Variants in TLE3 observed in about 807,000 individuals in gnomAD.
The protein encoded by TLE3 is TLE family member 3, transcriptional corepressor, also known as transducin-like enhancer protein 3.
A neutral mutation model predicts 93.0 loss-of-function variants in TLE3; 14 were observed. The ratio of observed to expected loss-of-function variants is 0.15; its 90% CI spans 0.10 to 0.24. The LOEUF (loss-of-function observed/expected upper bound fraction) is 0.24, where lower values mean the gene tolerates loss of function less well. TLE3 is among the 10% of genes least tolerant of loss of function. The pLI is 1.00. For synonymous variants in TLE3, 451 were observed against 425.0 expected, an observed-to-expected ratio of 1.06 and a Z score of -0.75; for missense variants, 693 against 1,046.6, an observed-to-expected ratio of 0.66 and a Z score of 4.66.
In TLE3 at chr15:70,058,098, C is replaced by A; in HGVS notation, c.1051+61G>T. 1.2e-6 allele frequency: 2 copies of A among 1,611,548 alleles called. No homozygotes were observed. The highest frequency in any genetic ancestry group is 8.5e-7 in the Non-Finnish European group (1 of 1,178,784). On this transcript the variant is annotated intron_variant, in intron 12 of 19. Coordinates refer to ENST00000451782, the MANE Select transcript of TLE3 (RefSeq NM_001105192.3). This position sits in a 1 kb window ranked among gnomAD's most constrained non-coding sequence, Gnocchi z 4.1. The stretch of plus-strand genomic sequence containing the variant: ...GCGTGTGTGTCACCCCTGCCCTGGC[C>A]AAGAGCAGACCCCCTCCCCCCAATC...
At chr15:70,073,959 A>T (rs2141785385) in intron 6 of TLE3, among the ~76,000 whole-genome samples, 2 of 152,368 alleles carry the variant, frequency 1.3e-5, no homozygotes, top group Middle Eastern at 6.8e-3. Context: ...CGGGACTTCT[A>T]GAAAGTCAGG....
rs756950856 is a variant in TLE3 at position 70,096,720 on chromosome 15, C to T, written c.24+55G>A. The stretch of plus-strand genomic sequence containing the variant: ...CAAAATGGAGGTGCCAGATAAACTG[C>T]CTCGTTTACCCTGCCATGATAGATG... On this transcript the variant is annotated intron_variant, in intron 1 of 19. Transcript: ENST00000451782. 32 of 1,604,398 alleles carry T rather than the reference C, an allele frequency of 2.0e-5. No individual in the cohort carries two copies. In the Middle Eastern group the frequency reaches 4.9e-4, roughly 25 times the overall value.
At chr15:70,086,656 C>G (rs1255010298) in intron 4 of TLE3, among the ~76,000 whole-genome samples, 1 of 152,088 alleles carries the variant, frequency 6.6e-6, no homozygotes, top group African/African-American at 2.4e-5. Flanking sequence ...AGTTTTCATT[C>G]AAAATTAACA....
At position 70,097,007 on chromosome 15, in the gene TLE3, G is replaced by A. The variant is rs2058599302; in HGVS notation, c.-209C>T. ...AAAGAGCCGCGGAGCAGGCGGCAAAGTCGTCGGCGGGCGCCGGGGCCGGGC... is the reference window on the plus strand; with the variant it reads ...AAAGAGCCGCGGAGCAGGCGGCAAAATCGTCGGCGGGCGCCGGGGCCGGGC... On this transcript the variant is annotated 5_prime_UTR_variant, in exon 1 of 20. Transcript: ENST00000451782. The A allele has an allele frequency of 1.6e-6, 1 of 618,640 alleles. No individual in the cohort carries two copies. Among genetic ancestry groups the A allele is most frequent in the Non-Finnish European group, 2.8e-6 (1 of 363,190 alleles). The allele number at this position is 618,640 out of a possible 1,614,324, so 38.3% of individuals were successfully genotyped here.
intron 3 of TLE3, 73 bp downstream of exon 3, chr15:70,095,504 TC>T: frequency 6.5e-7 from 1 of 1,545,996 alleles, no homozygotes. Context: ...GGCGCTCATC[TC>T]CCCAGATCCA....
Position 70,055,097 on chromosome 15 carries a change from G to A in TLE3, c.1530C>T (p.Asp510=), listed in dbSNP as rs747847895. ...GGCTCTTGCTGCCTGGCTGGCTGAT[G>A]TCCCAGATCTTCACGCAGCCCTTGC... is the stretch of plus-strand genomic sequence containing the variant. The part of the protein sequence containing the change: ...TGGKGCVKIW[D]ISQPGSKSPI... Residue 510 remains aspartate (D), a synonymous_variant, in exon 15 of 20, where the codon GAC becomes GAT. Transcript: ENST00000451782. 1.2e-6 allele frequency: 2 copies of A among 1,614,048 alleles called. No individual in the cohort carries two copies. Among genetic ancestry groups the A allele is most frequent in the Non-Finnish European group, 1.7e-6 (2 of 1,179,950 alleles).
chr15:70,080,283 A>C (rs1389164946), intron 4 of TLE3, among the ~76,000 whole-genome samples: 1 of 152,170 alleles, frequency 6.6e-6, no homozygotes, highest in African/African-American at 2.4e-5. Context: ...AGCGAATCTG[A>C]GAGGTGGTGG....
chr15:70,056,186 T>C, intron 14 of TLE3, 112 bp downstream of exon 14: 2 of 1,193,018 alleles, frequency 1.7e-6, no homozygotes, highest in South Asian at 2.4e-5. Context: ...CAAAGGGAGG[T>C]GCACCAGGGC....
At chr15:70,055,716 G>A (rs2055957734) in intron 14 of TLE3, 1 of 196,738 alleles carries the variant, frequency 5.1e-6, no homozygotes, top group Non-Finnish European at 1.0e-5. Context: ...CAGAGCCTGT[G>A]GTGAGCCAGC....
At chr15:70,071,028 A>T (rs2057123657) in intron 6 of TLE3, among the ~76,000 whole-genome samples, 1 of 152,084 alleles carries the variant, frequency 6.6e-6, no homozygotes, top group Non-Finnish European at 1.5e-5. Flanking sequence ...AGCAGATGAG[A>T]CCTCCTCCAC....
intron 4 of TLE3, among the ~76,000 whole-genome samples, chr15:70,084,651 T>C (rs1251421038): frequency 6.6e-6 from 1 of 152,196 alleles, no homozygotes; most frequent in African/African-American, 2.4e-5. Flanking sequence ...AATTGGCCAC[T>C]GGTCTGCTGT....
At chr15:70,072,332 G>A (rs983955277) in intron 6 of TLE3, among the ~76,000 whole-genome samples, 1 of 152,196 alleles carries the variant, frequency 6.6e-6, no homozygotes, top group Admixed American at 6.5e-5. Context: ...CCAAAGAGGG[G>A]GGCAGAGGGT....
intron 8 of TLE3, among the ~76,000 whole-genome samples, chr15:70,062,082 T>C (rs879540370): frequency 6.6e-6 from 1 of 152,184 alleles, no homozygotes; most frequent in Non-Finnish European, 1.5e-5. Flanking sequence ...TTTCCTTTCC[T>C]AAGCCGGGTT....
Position 70,053,334 on chromosome 15 carries a change from T to G in TLE3, c.1867A>C (p.Ile623Leu). ...CACAGTTTGGTGCCATCATGGGAGA[T>G]GTCTATGCAGCTGGCCCCATCTGTG... ...GHTDGASCIDISHDGTKLWTG... is the reference protein window; with the variant it reads ...GHTDGASCIDLSHDGTKLWTG... The change falls in exon 17 of 20, where the codon ATC (isoleucine) becomes CTC (leucine). Residue 623 changes from isoleucine (I) to leucine (L), a missense_variant. Ile to Leu is a conservative substitution (Grantham distance 5). This residue lies in a region of TLE3 where 153 missense variants were observed against 379.9 expected (regional missense o/e 0.40). Transcript: ENST00000451782. The G allele has an allele frequency of 6.2e-7, 1 of 1,609,466 alleles. No homozygotes were observed. Among genetic ancestry groups the G allele is most frequent in the South Asian group, 1.1e-5 (1 of 89,994 alleles).
chr15:70,061,726 G>A (rs759195511), intron 8 of TLE3, among the ~76,000 whole-genome samples: 3 of 152,138 alleles, frequency 2.0e-5, no homozygotes, highest in East Asian at 1.9e-4. Flanking sequence ...ACCAATTTCC[G>A]AGCAGCTGCC....
intron 16 of TLE3, 133 bp downstream of exon 16, chr15:70,054,305 C>T: frequency 1.5e-6 from 2 of 1,314,772 alleles, no homozygotes; most frequent in Non-Finnish European, 2.1e-6. Flanking sequence ...TTCACCTGTG[C>T]ATCCCTCATC....
intron 3 of TLE3, 138 bp downstream of exon 3, chr15:70,095,440 C>A (rs1470590939): frequency 7.2e-5 from 111 of 1,533,464 alleles, no homozygotes; most frequent in Non-Finnish European, 9.0e-5. Flanking sequence ...GAGGGCAAGA[C>A]CAGATTATGC....
rs138852351 is a variant in TLE3 at position 70,048,436 on chromosome 15, G to C, written c.*1661C>G. 6.6e-6 allele frequency: 1 copy of C among 152,098 alleles called. No individual in the cohort carries two copies. Among genetic ancestry groups the C allele is most frequent in the Non-Finnish European group, 1.5e-5 (1 of 68,028 alleles). The allele number at this position is 152,098 out of a possible 1,614,324, so 9.4% of individuals were successfully genotyped here. Reference sequence around the variant, plus strand: ...AGCCTCCACATCCCATGCCCGGTGCGCTCAGCTGGGGAGCAACCTCACTGA... The same window carrying C: ...AGCCTCCACATCCCATGCCCGGTGCCCTCAGCTGGGGAGCAACCTCACTGA... On this transcript the variant is annotated 3_prime_UTR_variant, in exon 20 of 20. Transcript: ENST00000451782.
At chr15:70,095,905 A>G (rs1596045709) in intron 2 of TLE3, 2 of 627,776 alleles carry the variant, frequency 3.2e-6, no homozygotes, top group East Asian at 2.8e-5. Context: ...CCCGACACCC[A>G]GAACCCGGAG....
Sources: allele counts gnomAD v4.1 joint callset (sites outside exome capture counted in the v4.1 genomes callset), GRCh38; gene constraint gnomAD v4.1.1; regional missense constraint gnomAD v4.1.1; non-coding constraint Gnocchi (gnomAD v3.1); transcripts MANE v1.5; gene names NCBI Gene and HGNC (gene_info 2026-07-23, HGNC 2026-07-21).